The following GLB1L2 variants were observed in gnomAD, a reference collection of about 807,000 sequenced individuals.
GLB1L2 encodes the protein galactosidase beta 1 like 2, also known as beta-galactosidase-1-like protein 2.
In GLB1L2, 68 loss-of-function variants were observed where a neutral mutation model predicts 84.1. The observed-to-expected ratio is 0.81, with a 90% confidence interval of 0.67 to 0.99. The LOEUF (loss-of-function observed/expected upper bound fraction) is 0.99. Ranked by LOEUF, GLB1L2 falls within the 50% of genes least tolerant of loss-of-function variation. The pLI, the probability that GLB1L2 is intolerant of heterozygous loss-of-function variation, is 0.00. For missense variants in GLB1L2, 762 were observed against 805.6 expected, an observed-to-expected ratio of 0.95 and a Z score of 0.66; for synonymous variants, 290 against 318.0, an observed-to-expected ratio of 0.91 and a Z score of 0.94.
chr11:134,359,416 C>CT (rs34834471), intron 7 of GLB1L2: 65,169 of 310,104 alleles, frequency 0.21, 7,642 homozygotes, highest in Middle Eastern at 0.31. Flanking sequence ...CACGTGCGGG[C>CT]TTCCTGTTTT....
chr11:134,364,691 T>C, intron 8 of GLB1L2: 1 of 363,808 alleles, frequency 2.7e-6, no homozygotes, highest in East Asian at 4.8e-5. Flanking sequence ...AGCTCCAGAC[T>C]TGCTCCCAGG....
intron 7 of GLB1L2, among the ~76,000 whole-genome samples, chr11:134,362,985 G>A (rs139174218): frequency 3.0e-4 from 46 of 152,298 alleles, no homozygotes; most frequent in African/African-American, 9.1e-4. Flanking sequence ...CCTCATGGCC[G>A]TCTACCTGTC....
At chr11:134,336,686 G>A (rs1181468073) in intron 1 of GLB1L2, among the ~76,000 whole-genome samples, 1 of 152,102 alleles carries the variant, frequency 6.6e-6, no homozygotes, top group African/African-American at 2.4e-5. Context: ...GGGCCAAGTC[G>A]ATTCTTGAGT....
At chr11:134,352,056 G>C (rs1031466271) in intron 5 of GLB1L2, among the ~76,000 whole-genome samples, 3 of 152,192 alleles carry the variant, frequency 2.0e-5, no homozygotes, top group Admixed American at 1.3e-4. Flanking sequence ...GAATTTACCA[G>C]TGAAGCCATC....
chr11:134,364,336 A>G lies in GLB1L2; in HGVS notation c.742A>G (p.Thr248Ala), dbSNP rs768636635. 1.9e-6 allele frequency: 3 copies of G among 1,613,738 alleles called. No individual in the cohort carries two copies. The highest frequency in any genetic ancestry group is 2.2e-5 in the East Asian group (1 of 44,882). Residue 248 changes from threonine (T) to alanine (A), a missense_variant, in exon 8 of 19, where the codon ACC becomes GCC. Coordinates refer to ENST00000535456, the MANE Select transcript of GLB1L2 (RefSeq NM_001370461.1). ...SKGIVQGVLA[T>A]INLQSTHELQ... ...CCTCTTCCCTTTAACAGTCTTGGCC[A>G]CCATCAACTTGCAGTCAACACACGA...
chr11:134,367,792 C>T (rs931332426), intron 9 of GLB1L2, among the ~76,000 whole-genome samples: 5 of 152,194 alleles, frequency 3.3e-5, no homozygotes, highest in East Asian at 1.9e-4. Flanking sequence ...TTCTGTATGA[C>T]CAAATACAGA....
At chr11:134,359,974 C>T (rs1253095033) in intron 7 of GLB1L2, 1 of 152,322 alleles carries the variant, frequency 6.6e-6, no homozygotes, top group Non-Finnish European at 1.5e-5. Flanking sequence ...CTTCGTGGGG[C>T]TCACTCAATC....
At chr11:134,368,924 A>G (rs1448375582) in intron 10 of GLB1L2, 143 bp downstream of exon 10, 1 of 852,180 alleles carries the variant, frequency 1.2e-6, no homozygotes, top group Non-Finnish European at 1.8e-6. Flanking sequence ...TTGCCTGGAC[A>G]GTCATGTTAC....
intron 1 of GLB1L2, among the ~76,000 whole-genome samples, chr11:134,341,765 GTGGGCACC>G (rs1943465682): frequency 6.6e-6 from 1 of 152,210 alleles, no homozygotes; most frequent in Non-Finnish European, 1.5e-5. Context: ...CTTCTGCCCT[GTGGGCACC>G]CTGCCCCCTC....
At chr11:134,364,067 G>C (rs539593792) in intron 7 of GLB1L2, among the ~76,000 whole-genome samples, 1 of 152,288 alleles carries the variant, frequency 6.6e-6, no homozygotes, top group African/African-American at 2.4e-5. Context: ...TTTTAGTAGA[G>C]AGGGGGTTTC....
At chr11:134,361,690 G>C (rs1175898041) in intron 7 of GLB1L2, 1 of 152,442 alleles carries the variant, frequency 6.6e-6, no homozygotes, top group Non-Finnish European at 1.5e-5. Context: ...TGCCTGTCCG[G>C]TTCTGCCTGG....
At chr11:134,365,273 G>T (rs181048227) in intron 8 of GLB1L2, among the ~76,000 whole-genome samples, 1 of 152,356 alleles carries the variant, frequency 6.6e-6, no homozygotes, top group East Asian at 1.9e-4. Flanking sequence ...AGGCGAGGAG[G>T]CTCCCAGGAG....
intron 1 of GLB1L2, among the ~76,000 whole-genome samples, chr11:134,341,260 CAG>C (rs1391578164): frequency 2.0e-5 from 3 of 152,170 alleles, no homozygotes; most frequent in Non-Finnish European, 4.4e-5. Flanking sequence ...CGACTCACAG[CAG>C]AGAGTGTTGC....
In GLB1L2 at chr11:134,347,428, C is replaced by T; in HGVS notation, c.553C>T (p.Leu185Phe). The T allele has an allele frequency of 1.9e-6, 3 of 1,607,102 alleles. No homozygotes were observed. Among genetic ancestry groups the T allele is most frequent in the Non-Finnish European group, 2.6e-6 (3 of 1,173,658 alleles). Residue 185 changes from leucine (L) to phenylalanine (F), a missense_variant, in exon 5 of 19, where the codon CTC (leucine) becomes TTC (phenylalanine). Physicochemically the swap from Leu to Phe is conservative, Grantham distance 22. Transcript: ENST00000535456. ...CCACCTGATGTCCAGGGTGGTGCCA[C>T]TCCAGGTACAAGCAAATGGGGTCTT... ...FDHLMSRVVP[L>F]QYKRGGPIIA...
chr11:134,350,524 A>C (rs1002118768), intron 5 of GLB1L2, among the ~76,000 whole-genome samples: 7 of 152,294 alleles, frequency 4.6e-5, no homozygotes, highest in Admixed American at 4.6e-4. Context: ...TCGGTGGTGT[A>C]AGGCTGTCTC....
intron 5 of GLB1L2, among the ~76,000 whole-genome samples, chr11:134,355,846 C>CGTGAACAAGTTAGAACATT (rs1409052107): frequency 1.3e-5 from 2 of 152,172 alleles, no homozygotes; most frequent in African/African-American, 2.4e-5. Context: ...GTTAGAACAT[C>CGTGAACAAGTTAGAACATT]GTGAACAAGT....
intron 10 of GLB1L2, 102 bp downstream of exon 10, chr11:134,368,883 T>C: frequency 8.1e-7 from 1 of 1,230,180 alleles, no homozygotes; most frequent in East Asian, 2.5e-5. Context: ...CACCTTCGTG[T>C]CTTTGGCAAT....
At chr11:134,332,188 T>A in intron 1 of GLB1L2, 41 bp downstream of exon 1, 1 of 1,358,930 alleles carries the variant, frequency 7.4e-7, no homozygotes, top group Non-Finnish European at 1.0e-6. Context: ...GACCCCACAT[T>A]CCCCAGCCCT....
chr11:134,332,045 C>G lies in GLB1L2; in HGVS notation c.-17C>G, dbSNP rs1349968752. 2 of 1,538,816 alleles carry G rather than the reference C, an allele frequency of 1.3e-6. No homozygotes were observed. The highest frequency in any genetic ancestry group is 2.5e-5 in the East Asian group (1 of 40,246). On this transcript the variant is annotated 5_prime_UTR_variant, in exon 1 of 19. Coordinates refer to ENST00000535456, the MANE Select transcript of GLB1L2 (RefSeq NM_001370461.1). ...ACTGGAGTGGGAACCCGGGTCCCCG[C>G]GCTTAGAGAACACGCGATGACCACG...
Sources: allele counts gnomAD v4.1 joint callset (sites outside exome capture counted in the v4.1 genomes callset), GRCh38; gene constraint gnomAD v4.1.1; transcripts MANE v1.5; gene names NCBI Gene and HGNC (gene_info 2026-07-23, HGNC 2026-07-21).